Variants in USP6 observed in about 807,000 individuals in gnomAD.
USP6 encodes ubiquitin carboxyl-terminal hydrolase 6.
In USP6, 128 loss-of-function variants were observed where a neutral mutation model predicts 175.7. The ratio of observed to expected loss-of-function variants is 0.73; its 90% CI spans 0.63 to 0.84. USP6 has a LOEUF of 0.84. Among genes scored for constraint, USP6 ranks in the 40% least tolerant of loss-of-function variants. The probability of loss-of-function intolerance (pLI) is 0.00; values close to 1 mark genes in which losing one functional copy is unlikely to be tolerated. For synonymous variants in USP6, 562 were observed against 630.6 expected (o/e 0.89, Z 1.63); for missense variants, 1,498 against 1,760.3 (o/e 0.85, Z 2.67).
chr17:5,120,234 G>A (rs2072622121), intron 2 of USP6, among the ~76,000 whole-genome samples: 1 of 152,252 alleles, frequency 6.6e-6, no homozygotes, highest in African/African-American at 2.4e-5. Context: ...ACCAACGTAG[G>A]GTTGCTCTCT....
chr17:5,127,881 C>T (rs967964247), intron 7 of USP6, among the ~76,000 whole-genome samples: 1 of 152,212 alleles, frequency 6.6e-6, no homozygotes. Context: ...AGAACAACGT[C>T]TGCACATGTT....
intron 26 of USP6, 24 bp downstream of exon 26, chr17:5,144,887 T>C (rs748942368): frequency 1.2e-5 from 19 of 1,577,858 alleles, no homozygotes; most frequent in Non-Finnish European, 1.6e-5. Flanking sequence ...GAGTTTCTAA[T>C]GTAAGCAATA....
chr17:5,171,430 T>G (rs2074214366), intron 36 of USP6, among the ~76,000 whole-genome samples, 157 bp from the exon 37 acceptor site: 1 of 152,204 alleles, frequency 6.6e-6, no homozygotes, highest in Admixed American at 6.5e-5. Context: ...TATTTTGCTT[T>G]TTGCTTATTT....
intron 30 of USP6, among the ~76,000 whole-genome samples, chr17:5,152,236 C>T (rs573166159): frequency 1.0e-3 from 140 of 140,496 alleles, no homozygotes; most frequent in African/African-American, 3.4e-3. Flanking sequence ...AGCGAGACTC[C>T]GTCTCAAAAA....
At position 5,135,028 on chromosome 17, in the gene USP6, C is replaced by A. The variant is rs1423341179; in HGVS notation, c.495-206C>A. On this transcript the variant is annotated intron_variant, in intron 15 of 37. Transcript: ENST00000574788. ...ATCATTCAGCGTGAAAAGGATCGGT[C>A]AACTCACTGTAGAACTGGGCTATTT... 7.1e-6 allele frequency: 4 copies of A among 562,572 alleles called. No individual in the cohort carries two copies. The East Asian group carries it at 1.3e-4, about 19-fold the overall frequency. 34.8% of individuals were successfully genotyped at this position (562,572 alleles called of 1,614,324 possible). A position where few individuals can be genotyped will look rare whatever the true frequency, so the allele number is the denominator to read the frequency against.
At position 5,159,982 on chromosome 17, in the gene USP6, T is replaced by A. The variant is rs1421919847; in HGVS notation, c.2829-1546T>A. Among the ~76,000 whole-genome samples the A allele has an allele frequency of 5.7e-3, 765 of 134,080 alleles. 6 individuals carry two copies. The highest frequency in any genetic ancestry group is 0.018 in the African/African-American group (663 of 36,186). 88.0% of individuals were successfully genotyped at this position (134,080 alleles called of 152,430 possible). ...CCGTCTCAAAAAAAAAAAAAAAAAA[T>A]GGAAAAAGTCTGCAGGGGGAGCAGG... On this transcript the variant is annotated intron_variant, in intron 31 of 37. Transcript: ENST00000574788.
intron 14 of USP6, 114 bp from the exon 15 acceptor site, chr17:5,133,773 A>T: frequency 8.0e-7 from 1 of 1,251,486 alleles, no homozygotes; most frequent in Non-Finnish European, 1.2e-6. Context: ...GCAGAAGGAA[A>T]CCTTCCTTCT....
At chr17:5,156,539 C>G (rs1345497474) in intron 31 of USP6, among the ~76,000 whole-genome samples, 1 of 152,146 alleles carries the variant, frequency 6.6e-6, no homozygotes, top group African/African-American at 2.4e-5. Context: ...TTCCCAACCT[C>G]AGGTGATCCG....
chr17:5,158,654 A>G (rs1477801135), intron 31 of USP6, among the ~76,000 whole-genome samples: 1 of 149,372 alleles, frequency 6.7e-6, no homozygotes, highest in African/African-American at 2.5e-5. Flanking sequence ...AGAGAGAGAG[A>G]GAGAGAGAGA....
intron 25 of USP6, among the ~76,000 whole-genome samples, chr17:5,144,160 C>T (rs953990925): frequency 1.3e-5 from 2 of 151,756 alleles, no homozygotes; most frequent in Non-Finnish European, 1.5e-5. Context: ...AATTCTAATG[C>T]GGTTAATAAA....
Position 5,133,308 on chromosome 17 carries a change from G to C in USP6, c.277-135G>C, listed in dbSNP as rs560067322. ...CCACTCTTTCAGTCCTGGGAAGGGA[G>C]ACCCTGTCCCAGCTTGATCTCGCCT... On this transcript the variant is annotated intron_variant, in intron 13 of 37. Transcript: ENST00000574788. The C allele has an allele frequency of 2.5e-5, 25 of 1,012,954 alleles. No individual in the cohort carries two copies. The African/African-American group carries it at 3.8e-4, about 16-fold the overall frequency. 62.7% of individuals were successfully genotyped at this position (1,012,954 alleles called of 1,614,324 possible).
rs577289114 is a variant in USP6, at chr17:5,174,219, AT to A, written c.*1242del. The A allele has an allele frequency of 2.7e-3, 515 of 191,272 alleles. 4 individuals carry two copies. Among genetic ancestry groups the A allele is most frequent in the African/African-American group, 0.011 (488 of 43,154 alleles). 11.8% of individuals were successfully genotyped at this position (191,272 alleles called of 1,614,324 possible). ...ATTTAAGATTGGAACAAAAGTATAA[AT>A]ATTATTTATTTGAGGTAGAATTTTT... is the stretch of plus-strand genomic sequence containing the variant. On this transcript the variant is annotated 3_prime_UTR_variant, in exon 38 of 38. Transcript: ENST00000574788.
At position 5,142,429 on chromosome 17, in the gene USP6, C is replaced by T. The variant is rs1182489495; in HGVS notation, c.1745C>T (p.Ala582Val). The change falls in exon 25 of 38, where the codon GCT becomes GTT. Residue 582 changes from alanine to valine, a missense_variant. Physicochemically the swap from Ala to Val is moderately conservative, Grantham distance 64 (BLOSUM62 0). Coordinates refer to ENST00000574788, the MANE Select transcript of USP6 (RefSeq NM_001304284.2). Reference protein sequence around the residue: ...TNPIGMKGHMAKCYGDLVQEL... With the variant: ...TNPIGMKGHMVKCYGDLVQEL... ...CCCATTGGTATGAAGGGGCATATGG[C>T]TAAATGCTATGGTGATTTAGTGCAG... The T allele has an allele frequency of 6.2e-7, 1 of 1,613,876 alleles. No individual in the cohort carries two copies. Among genetic ancestry groups the T allele is most frequent in the African/African-American group, 1.3e-5 (1 of 75,018 alleles).
In USP6 at chr17:5,136,974, C is replaced by T. The variant is rs1481194145; in HGVS notation, c.760-147C>T. 2.5e-5 allele frequency: 29 copies of T among 1,140,396 alleles called. 1 individual carries two copies. Among genetic ancestry groups the T allele is most frequent in the South Asian group, 5.1e-5 (4 of 78,694 alleles). 70.6% of individuals were successfully genotyped at this position (1,140,396 alleles called of 1,614,324 possible). On this transcript the variant is annotated intron_variant, in intron 18 of 37. Coordinates refer to ENST00000574788, the MANE Select transcript of USP6 (RefSeq NM_001304284.2). ...GCAGGGCAAAGGGCAGTGTGTCCAC[C>T]GGGAGTGTGGGAAGGGGACAGTGTT... is the stretch of plus-strand genomic sequence containing the variant.
At position 5,173,903 on chromosome 17, in the gene USP6, A is replaced by C. The variant is rs1053529; in HGVS notation, c.*925A>C. 14 of 222,096 alleles carry C rather than the reference A, an allele frequency of 6.3e-5. No individual in the cohort carries two copies. Among genetic ancestry groups the C allele is most frequent in the African/African-American group, 2.5e-4 (11 of 44,824 alleles). The allele number at this position is 222,096 out of a possible 1,614,324, so 13.8% of individuals were successfully genotyped here. On this transcript the variant is annotated 3_prime_UTR_variant, in exon 38 of 38. Transcript: ENST00000574788. Reference sequence around the variant, plus strand: ...AGATCACGTTTCACAATTAGTGGTTATTCTTTTCTGTGTTTGTTTTGCACT... The same window carrying C: ...AGATCACGTTTCACAATTAGTGGTTCTTCTTTTCTGTGTTTGTTTTGCACT...
At chr17:5,140,307 G>A (rs2073407451) in intron 22 of USP6, among the ~76,000 whole-genome samples, 1 of 152,172 alleles carries the variant, frequency 6.6e-6, no homozygotes, top group African/African-American at 2.4e-5. Context: ...GCTCACACCT[G>A]TAATCCCAGC....
intron 22 of USP6, among the ~76,000 whole-genome samples, 162 bp from the exon 23 acceptor site, chr17:5,141,263 A>T (rs564064103): frequency 6.6e-6 from 1 of 152,320 alleles, no homozygotes; most frequent in African/African-American, 2.4e-5. Flanking sequence ...TGCATTTCTC[A>T]GAATGTAACC....
intron 4 of USP6, among the ~76,000 whole-genome samples, chr17:5,122,163 A>T (rs1226272012): frequency 3.3e-5 from 5 of 151,826 alleles, no homozygotes; most frequent in Non-Finnish European, 7.4e-5. Flanking sequence ...CAGGGGAAGG[A>T]AGGTGGTGCA....
rs770807173 is a variant in USP6 at position 5,148,524 on chromosome 17, T to C, written c.2432-32T>C. The stretch of plus-strand genomic sequence containing the variant: ...GAGCAAAGATGAAAATACCACAAGC[T>C]TATGATGCTGTACTTATCTTTGAAT... On this transcript the variant is annotated intron_variant, in intron 29 of 37. Transcript: ENST00000574788. 11 of 1,611,142 alleles carry C rather than the reference T, an allele frequency of 6.8e-6. No homozygotes were observed. The South Asian group carries it at 1.2e-4, about 18-fold the overall frequency.
Sources: allele counts gnomAD v4.1 joint callset (sites outside exome capture counted in the v4.1 genomes callset), GRCh38; gene constraint gnomAD v4.1.1; transcripts MANE v1.5; gene names NCBI Gene and HGNC (gene_info 2026-07-23, HGNC 2026-07-21).